AHNAK: variants seen among roughly 807,000 people sequenced by gnomAD.
AHNAK encodes AHNAK nucleoprotein.
Under a neutral mutation model 37.8 loss-of-function variants are expected in AHNAK, and 23 were observed. That is an observed-to-expected ratio of 0.61 (90% CI 0.44 to 0.86). The LOEUF (loss-of-function observed/expected upper bound fraction) is 0.86. Ranked by LOEUF, AHNAK falls within the 40% of genes least tolerant of loss-of-function variation. The pLI is 0.00. For synonymous variants in AHNAK, 2,481 were observed against 2,636.3 expected (o/e 0.94, Z 1.80); for missense variants, 7,411 against 7,319.4 (o/e 1.01, Z -0.46).
chr11:62,441,892 CCT>C (rs1938313964), intron 5 of AHNAK, among the ~76,000 whole-genome samples: 1 of 152,140 alleles, frequency 6.6e-6, no homozygotes, highest in South Asian at 2.1e-4. Context: ...GTCGTCCTCC[CCT>C]GTTAGAGATG....
intron 5 of AHNAK, among the ~76,000 whole-genome samples, chr11:62,445,369 G>T (rs1938402287): frequency 6.6e-6 from 1 of 152,136 alleles, no homozygotes; most frequent in Admixed American, 6.5e-5. Flanking sequence ...AGCTTTAAAT[G>T]TTGTGGAATA....
At chr11:62,441,565 G>C (rs369685991) in intron 5 of AHNAK, among the ~76,000 whole-genome samples, 1 of 151,368 alleles carries the variant, frequency 6.6e-6, no homozygotes, top group Non-Finnish European at 1.5e-5. Flanking sequence ...GCAGTGGCAC[G>C]ATCTTGGCTC....
In AHNAK at chr11:62,536,544, C is replaced by G. The variant is rs1379059232; in HGVS notation, c.-76G>C. 3.2e-5 allele frequency: 5 copies of G among 155,662 alleles called. No individual in the cohort carries two copies. The highest frequency in any genetic ancestry group is 1.2e-4 in the African/African-American group (5 of 41,578). 9.6% of individuals were successfully genotyped at this position (155,662 alleles called of 1,614,324 possible). A position where few individuals can be genotyped will look rare whatever the true frequency, so the allele number is the denominator to read the frequency against. The stretch of plus-strand genomic sequence containing the variant: ...CCTTCCTCTCTTCCCCTCAGTCTCT[C>G]TCGTCGGGAATCTCGGTCACAACCT... On this transcript the variant is annotated 5_prime_UTR_variant, in exon 2 of 5. Transcript: ENST00000378024.
intron 5 of AHNAK, among the ~76,000 whole-genome samples, chr11:62,476,082 T>A (rs960134784): frequency 6.6e-6 from 1 of 152,176 alleles, no homozygotes; most frequent in Non-Finnish European, 1.5e-5. Flanking sequence ...ACTGGCAACA[T>A]CAATGCATTC....
Position 62,532,804 on chromosome 11 carries a change from C to A in AHNAK, c.1613G>T (p.Gly538Val), listed in dbSNP as rs201405822. The A allele has an allele frequency of 6.2e-7, 1 of 1,614,082 alleles. No individual in the cohort carries two copies. ...DVKGPQVALK[G>V]SRVDIETPNL... ...TGGTGTCTCTATGTCCACTCTGGAG[C>A]CTTTAAGTGCCACTTGAGGGCCTTT... Residue 538 changes from glycine (G) to valine (V), a missense_variant, in exon 5 of 5, where the codon GGC becomes GTC. By Grantham distance (109) the Gly-to-Val change is moderately radical. Coordinates refer to ENST00000378024, the MANE Select transcript of AHNAK (RefSeq NM_001620.3).
At chr11:62,450,234 G>A (rs184120904) in intron 5 of AHNAK, among the ~76,000 whole-genome samples, 26 of 151,704 alleles carry the variant, frequency 1.7e-4, no homozygotes, top group African/African-American at 5.8e-4. Context: ...CACGGCACAC[G>A]GCAACCTCTG....
At chr11:62,457,140 T>C (rs1198942633) in intron 5 of AHNAK, among the ~76,000 whole-genome samples, 1 of 152,032 alleles carries the variant, frequency 6.6e-6, no homozygotes, top group Non-Finnish European at 1.5e-5. Flanking sequence ...CTACTAAATA[T>C]ACAAAAGAAT....
chr11:62,529,587 A>T lies in AHNAK; in HGVS notation c.4830T>A (p.Gly1610=). The change falls in exon 5 of 5, where the codon GGT becomes GGA. Residue 1610 remains glycine, a synonymous_variant. Coordinates refer to ENST00000378024, the MANE Select transcript of AHNAK (RefSeq NM_001620.3). ...TAGGGGCTTTCACATCAATTTCAGGACCCTTCAAGTCTCCTTCCACTTTGG... is the reference window on the plus strand; with the variant it reads ...TAGGGGCTTTCACATCAATTTCAGGTCCCTTCAAGTCTCCTTCCACTTTGG... ...SLPKVEGDLK[G]PEIDVKAPKM... The T allele has an allele frequency of 5.6e-6, 9 of 1,613,910 alleles. No individual in the cohort carries two copies. The highest frequency in any genetic ancestry group is 7.6e-6 in the Non-Finnish European group (9 of 1,179,980).
Position 62,524,517 on chromosome 11 carries a change from C to G in AHNAK, c.9900G>C (p.Leu3300Phe). ...MPKISMPEID[L>F]NLKGSKLKGD... is the part of the protein sequence containing the mutation. Reference sequence around the variant, plus strand: ...CCTTAAGCTTTGAGCCTTTCAAATTCAAGTCAATTTCTGGCATGGAGATCT... The same window carrying G: ...CCTTAAGCTTTGAGCCTTTCAAATTGAAGTCAATTTCTGGCATGGAGATCT... Residue 3300 changes from leucine (L) to phenylalanine (F), a missense_variant, in exon 5 of 5, where the codon TTG becomes TTC. Transcript: ENST00000378024. The G allele has an allele frequency of 6.2e-7, 1 of 1,614,058 alleles. No homozygotes were observed. The highest frequency in any genetic ancestry group is 8.5e-7 in the Non-Finnish European group (1 of 1,179,992).
chr11:62,507,131 A>G (rs935738458), intron 4 of AHNAK, among the ~76,000 whole-genome samples: 2 of 152,060 alleles, frequency 1.3e-5, no homozygotes, highest in African/African-American at 4.8e-5. Flanking sequence ...TGTTATTAAC[A>G]GTCTTCCTGG....
At chr11:62,491,905 T>C (rs570080893) in intron 4 of AHNAK, 4 of 1,351,352 alleles carry the variant, frequency 3.0e-6, no homozygotes, top group Non-Finnish European at 4.1e-6. Flanking sequence ...AAATGCCTAC[T>C]ATGGGTGTAT....
chr11:62,535,663 G>A (rs1364530844), intron 3 of AHNAK, among the ~76,000 whole-genome samples: 1 of 149,288 alleles, frequency 6.7e-6, no homozygotes, highest in Non-Finnish European at 1.5e-5. Flanking sequence ...AAAAAAAAAA[G>A]GCCAACTCAT....
At chr11:62,470,123 T>C (rs111386361) in intron 5 of AHNAK, among the ~76,000 whole-genome samples, 3,193 of 151,828 alleles carry the variant, frequency 0.021, 109 homozygotes, top group African/African-American at 0.073. Context: ...GCCAACATAG[T>C]GAAACCCCAT....
downstream of AHNAK, among the ~76,000 whole-genome samples, chr11:62,514,830 G>C (rs1396247499): frequency 6.6e-6 from 1 of 152,142 alleles, no homozygotes; most frequent in Non-Finnish European, 1.5e-5. Context: ...AAAACCCCCA[G>C]AACACTGGCT....
At chr11:62,496,860 GGAAGGAA>G (rs1251905556) in intron 4 of AHNAK, among the ~76,000 whole-genome samples, 1 of 145,520 alleles carries the variant, frequency 6.9e-6, no homozygotes, top group Non-Finnish European at 1.5e-5. Context: ...GGAAGGAAAA[GGAAGGAA>G]GAAGGGAGGG....
At chr11:62,505,602 C>A (rs758038260) in intron 4 of AHNAK, among the ~76,000 whole-genome samples, 2 of 152,066 alleles carry the variant, frequency 1.3e-5, no homozygotes, top group Non-Finnish European at 2.9e-5. Context: ...TTGGCACTGT[C>A]CTTTCTCCCT....
At chr11:62,475,644 AC>A (rs917863778) in intron 5 of AHNAK, among the ~76,000 whole-genome samples, 1 of 125,362 alleles carries the variant, frequency 8.0e-6, no homozygotes, top group African/African-American at 3.3e-5. Flanking sequence ...TCACTCTGTC[AC>A]CCAGGCCAGA....
intron 1 of AHNAK, among the ~76,000 whole-genome samples, chr11:62,538,756 G>T (rs771385744): frequency 6.6e-6 from 1 of 152,220 alleles, no homozygotes; most frequent in Non-Finnish European, 1.5e-5. Context: ...TACATATGAT[G>T]AGCAAAGTGC....
At chr11:62,513,831 C>T (rs1337602800), downstream of AHNAK, among the ~76,000 whole-genome samples, 1 of 152,184 alleles carries the variant, frequency 6.6e-6, no homozygotes, top group Non-Finnish European at 1.5e-5. Context: ...CCATCCTACC[C>T]ACCACCCACT....
Sources: allele counts gnomAD v4.1 joint callset (sites outside exome capture counted in the v4.1 genomes callset), GRCh38; gene constraint gnomAD v4.1.1; transcripts MANE v1.5; gene names NCBI Gene and HGNC (gene_info 2026-07-23, HGNC 2026-07-21).